The following DEGS2 variants were observed in gnomAD, a reference collection of about 807,000 sequenced individuals.
DEGS2 encodes delta 4-desaturase, sphingolipid 2, also known as sphingolipid delta(4)-desaturase/C4-monooxygenase DES2.
A neutral mutation model predicts 23.8 loss-of-function variants in DEGS2; 19 were observed. The ratio of observed to expected loss-of-function variants is 0.80; its 90% confidence interval spans 0.56 to 1.17. The LOEUF (loss-of-function observed/expected upper bound fraction) is 1.17, where lower values mean the gene tolerates loss of function less well. Among genes scored for constraint, DEGS2 ranks in the 50% most tolerant of loss-of-function variants. DEGS2 has a pLI of 0.00. For missense variants in DEGS2, 390 were observed against 459.5 expected (o/e 0.85, Z 1.38); for synonymous variants, 218 against 213.7 (o/e 1.02, Z -0.18).
intron 1 of DEGS2, 51 bp from the exon 2 acceptor site, chr14:100,149,761 C>A: frequency 6.6e-7 from 1 of 1,525,102 alleles, no homozygotes; most frequent in South Asian, 1.3e-5. Flanking sequence ...GGCTGCACCC[C>A]GCCCTCCTCC....
At chr14:100,157,552 C>T (rs1394822365) in intron 1 of DEGS2, among the ~76,000 whole-genome samples, 1 of 152,188 alleles carries the variant, frequency 6.6e-6, no homozygotes, top group Admixed American at 6.5e-5. Context: ...CCCAGCCCTC[C>T]CCAGGAGTTC....
chr14:100,150,712 G>A (rs1889556428), intron 1 of DEGS2, among the ~76,000 whole-genome samples: 1 of 152,126 alleles, frequency 6.6e-6, no homozygotes, highest in African/African-American at 2.4e-5. Context: ...CCTGTGCCCT[G>A]TGCAGCCGCC....
rs767660153 is a variant in DEGS2, at chr14:100,149,039, T to C, written c.754A>G (p.Ile252Val). Residue 252 changes from isoleucine to valine, a missense_variant, in exon 2 of 3, where the codon ATC (isoleucine) becomes GTC (valine). Ile to Val is a conservative substitution (Grantham distance 29). Coordinates refer to ENST00000305631, the MANE Select transcript of DEGS2 (RefSeq NM_206918.3). ...ACGTGGTAGCCCACATTGAAGGTGA[T>C]CCAGTTGAGAGGCCCATAGTAGGAG... ...TYSYYGPLNW[I>V]TFNVGYHVEH... 1 of 1,612,870 alleles carries C rather than the reference T, an allele frequency of 6.2e-7. No individual in the cohort carries two copies. Among genetic ancestry groups the C allele is most frequent in the Non-Finnish European group, 8.5e-7 (1 of 1,179,994 alleles).
chr14:100,164,007 G>A (rs1332009259), upstream of DEGS2, among the ~76,000 whole-genome samples: 3 of 152,114 alleles, frequency 2.0e-5, no homozygotes, highest in Non-Finnish European at 2.9e-5. Context: ...CTTAAGCCCC[G>A]GAGTTTGAGA....
At chr14:100,158,267 C>T (rs1370108718) in intron 1 of DEGS2, among the ~76,000 whole-genome samples, 1 of 152,008 alleles carries the variant, frequency 6.6e-6, no homozygotes, top group African/African-American at 2.4e-5. Flanking sequence ...AAAAAATAGC[C>T]GGGCATAGTG....
upstream of DEGS2, among the ~76,000 whole-genome samples, chr14:100,160,902 T>C (rs1889738687): frequency 6.6e-6 from 1 of 152,176 alleles, no homozygotes; most frequent in Non-Finnish European, 1.5e-5. Flanking sequence ...CATGCCACCA[T>C]GGCCATCACC....
At chr14:100,154,048 C>T (rs761791222) in intron 1 of DEGS2, among the ~76,000 whole-genome samples, 16 of 152,204 alleles carry the variant, frequency 1.1e-4, no homozygotes, top group Non-Finnish European at 1.6e-4. Flanking sequence ...CTTGGCTACA[C>T]TGCCACAGAG....
chr14:100,166,331 G>GGGGGAGGCTGCCCGGGGCTGT, the DEGS2 span, among the ~76,000 whole-genome samples: 1 of 29,000 alleles, frequency 3.4e-5, no homozygotes, highest in East Asian at 1.1e-3. Context: ...CCGGGGCTGT[G>GGGGGAGGCTGCCCGGGGCTGT]GGGGAGCCTG....
chr14:100,147,121 C>G (rs527978728), intron 2 of DEGS2, among the ~76,000 whole-genome samples: 1 of 152,354 alleles, frequency 6.6e-6, no homozygotes, highest in South Asian at 2.1e-4. Flanking sequence ...TGGCCAAACA[C>G]AAGGCCACCC....
rs1889714660 is a variant in DEGS2, at chr14:100,159,520, C to A, written c.68G>T (p.Arg23Leu). Reference protein sequence around the residue: ...VYTDQPHTQRRKEILAKYPAI... With the variant: ...VYTDQPHTQRLKEILAKYPAI... ...GCGGCGCTCACCCAGTATCTCCTTGCGCCGCTGCGTGTGCGGCTGGTCGGT... is the reference window on the plus strand; with the variant it reads ...GCGGCGCTCACCCAGTATCTCCTTGAGCCGCTGCGTGTGCGGCTGGTCGGT... The change falls in exon 1 of 3, where the codon CGC (arginine) becomes CTC (leucine). Residue 23 changes from arginine to leucine, a missense_variant. By Grantham distance (102) the Arg-to-Leu change is moderately radical. Transcript: ENST00000305631. The A allele has an allele frequency of 2.0e-6, 3 of 1,502,122 alleles. No homozygotes were observed. Among genetic ancestry groups the A allele is most frequent in the African/African-American group, 1.4e-5 (1 of 69,134 alleles). The allele number at this position is 1,502,122 out of a possible 1,614,324, so 93.0% of individuals were successfully genotyped here. A position where few individuals can be genotyped will look rare whatever the true frequency, so the allele number is the denominator to read the frequency against.
rs1480303087 is a variant in DEGS2 at position 100,159,615 on chromosome 14, G to A, written c.-28C>T. The stretch of plus-strand genomic sequence containing the variant: ...TGGGGCGGGAGGCGCCGTTCGGAGC[G>A]CGGCCGGCTCGGCTCTGCTGCACCT... On this transcript the variant is annotated 5_prime_UTR_variant, in exon 1 of 3. Coordinates refer to ENST00000305631, the MANE Select transcript of DEGS2 (RefSeq NM_206918.3). The A allele has an allele frequency of 2.7e-6, 4 of 1,470,604 alleles. No individual in the cohort carries two copies. The highest frequency in any genetic ancestry group is 2.9e-5 in the East Asian group (1 of 34,030). 91.1% of individuals were successfully genotyped at this position (1,470,604 alleles called of 1,614,324 possible).
At chr14:100,158,820 G>T (rs1176813778) in intron 1 of DEGS2, among the ~76,000 whole-genome samples, 1 of 152,216 alleles carries the variant, frequency 6.6e-6, no homozygotes, top group Non-Finnish European at 1.5e-5. Flanking sequence ...TTGCTTGTGG[G>T]TGGGATGGGG....
rs752761715 is a variant in DEGS2 at position 100,146,944 on chromosome 14, C to T, written c.826-37G>A. ...AGGGCGGGGCTCAGGGGCTGGTTCT[C>T]CTCGGGGCCGCACCCGCGAGCACAC... On this transcript the variant is annotated intron_variant, in intron 2 of 2. Coordinates refer to ENST00000305631, the MANE Select transcript of DEGS2 (RefSeq NM_206918.3). 19 of 1,595,640 alleles carry T rather than the reference C, an allele frequency of 1.2e-5. No homozygotes were observed. The Admixed American group carries it at 2.8e-4, about 23-fold the overall frequency.
chr14:100,158,124 A>G (rs1189138652), intron 1 of DEGS2, among the ~76,000 whole-genome samples: 1 of 147,448 alleles, frequency 6.8e-6, no homozygotes, highest in African/African-American at 2.5e-5. Flanking sequence ...TGTTCAGGCC[A>G]GGCGTGGTGG....
At chr14:100,164,877 T>A in the DEGS2 span, among the ~76,000 whole-genome samples, 1 of 152,086 alleles carries the variant, frequency 6.6e-6, no homozygotes, top group Non-Finnish European at 1.5e-5. Context: ...CCTGGCAGCT[T>A]TATTAGTAAA....
chr14:100,150,179 G>C (rs1015424734), intron 1 of DEGS2, among the ~76,000 whole-genome samples: 9 of 152,218 alleles, frequency 5.9e-5, no homozygotes, highest in African/African-American at 2.2e-4. Context: ...CCTGCTGGCA[G>C]CTCCCACTCA....
Position 100,153,966 on chromosome 14 carries a change from C to T in DEGS2, c.83-4256G>A, listed in dbSNP as rs1889616376. Among the ~76,000 whole-genome samples the T allele has an allele frequency of 2.0e-5, 3 of 152,270 alleles. No homozygotes were observed. The South Asian group carries it at 6.2e-4, about 32-fold the overall frequency. ...GAGCCAAGACTTGAACTCAGGACCC[C>T]CGACTCCAGGCCTGCACAATGGTGA... On this transcript the variant is annotated intron_variant, in intron 1 of 2. Coordinates refer to ENST00000305631, the MANE Select transcript of DEGS2 (RefSeq NM_206918.3).
chr14:100,149,353 C>T lies in DEGS2; in HGVS notation c.440G>A (p.Arg147His), dbSNP rs139697798. 2.2e-4 allele frequency: 351 copies of T among 1,608,916 alleles called. 2 individuals carry two copies. In the African/African-American group the frequency reaches 4.0e-3, roughly 18 times the overall value. The stretch of plus-strand genomic sequence containing the variant: ...TGTGCAGAAGAACCAGCCCTCCAGA[C>T]GCGTGGGCACGTCCACGTCCAGCCC... ...GDGLDVDVPT[R>H]LEGWFFCTPA... The change falls in exon 2 of 3, where the codon CGT becomes CAT. Residue 147 changes from arginine (R) to histidine (H), a missense_variant. By Grantham distance (29) the Arg-to-His change is conservative (BLOSUM62 0). Transcript: ENST00000305631.
intron 1 of DEGS2, among the ~76,000 whole-genome samples, chr14:100,158,379 A>C (rs1889692649): frequency 6.6e-6 from 1 of 151,806 alleles, no homozygotes; most frequent in Non-Finnish European, 1.5e-5. Flanking sequence ...CCTAGCCAAC[A>C]TGGTGAAACT....
Sources: gnomAD v4.1 joint callset for allele counts (sites outside exome capture counted in the v4.1 genomes callset) on GRCh38, gnomAD v4.1.1 for gene constraint, MANE v1.5 for transcripts, NCBI Gene and HGNC (gene_info 2026-07-23, HGNC 2026-07-21) for gene names.